The following IMMP2L variants were observed in gnomAD, a reference collection of about 807,000 sequenced individuals.
The protein encoded by IMMP2L is mitochondrial inner membrane protease subunit 2.
A neutral mutation model predicts 19.3 loss-of-function variants in IMMP2L; 18 were observed. The observed-to-expected ratio is 0.93, with a 90% CI of 0.64 to 1.38. IMMP2L has a LOEUF of 1.38. Ranked by LOEUF, IMMP2L falls within the 40% of genes most tolerant of loss-of-function variation. IMMP2L has a pLI of 0.00. For missense variants in IMMP2L, 233 were observed against 218.2 expected (o/e 1.07, Z -0.43); for synonymous variants, 76 against 73.0 (o/e 1.04, Z -0.21).
intron 3 of IMMP2L, among the ~76,000 whole-genome samples, chr7:111,343,658 A>T (rs892399441): frequency 6.6e-6 from 1 of 152,072 alleles, no homozygotes; most frequent in African/African-American, 2.4e-5. Context: ...TATCTTTTTA[A>T]TACATGAGTG....
intron 3 of IMMP2L, among the ~76,000 whole-genome samples, chr7:111,042,865 A>T (rs559620408): frequency 6.6e-6 from 1 of 152,292 alleles, no homozygotes; most frequent in Admixed American, 6.5e-5. Flanking sequence ...GAAATTTAAG[A>T]AGGCTATATG....
At chr7:111,034,868 C>G (rs974729774) in intron 3 of IMMP2L, among the ~76,000 whole-genome samples, 1 of 152,144 alleles carries the variant, frequency 6.6e-6, no homozygotes, top group South Asian at 2.1e-4. Flanking sequence ...GCACCTACAA[C>G]AATACTTAAT....
chr7:110,893,923 T>C (rs189566166), intron 4 of IMMP2L, among the ~76,000 whole-genome samples: 4 of 152,224 alleles, frequency 2.6e-5, no homozygotes, highest in Non-Finnish European at 5.9e-5. Context: ...AATGTAGCCT[T>C]TACCTTCTCT....
chr7:111,062,875 C>T (rs1364498208), intron 3 of IMMP2L, among the ~76,000 whole-genome samples: 1 of 152,228 alleles, frequency 6.6e-6, no homozygotes, highest in African/African-American at 2.4e-5. Flanking sequence ...TGTGGCTTTA[C>T]AGGGTACAGC....
intron 3 of IMMP2L, among the ~76,000 whole-genome samples, chr7:111,428,714 G>T (rs1836333436): frequency 6.6e-6 from 1 of 151,740 alleles, no homozygotes; most frequent in Non-Finnish European, 1.5e-5. Context: ...ATCAGTCTAA[G>T]ATAAGCAAAG....
At chr7:111,261,127 T>G (rs1817268771) in intron 3 of IMMP2L, among the ~76,000 whole-genome samples, 1 of 152,150 alleles carries the variant, frequency 6.6e-6, no homozygotes, top group Non-Finnish European at 1.5e-5. Context: ...TAAATTCATC[T>G]ATTTAATAAC....
chr7:111,119,534 T>G (rs1586401314), intron 3 of IMMP2L, among the ~76,000 whole-genome samples: 1 of 152,306 alleles, frequency 6.6e-6, no homozygotes, highest in East Asian at 1.9e-4. Flanking sequence ...TTCCTTTGTA[T>G]TAGCCTGAAT....
intron 5 of IMMP2L, among the ~76,000 whole-genome samples, chr7:110,828,553 T>C (rs1488182683): frequency 1.3e-5 from 2 of 152,172 alleles, no homozygotes; most frequent in Non-Finnish European, 2.9e-5. Flanking sequence ...CTGATACTCC[T>C]AATTCATTCC....
At chr7:111,170,516 A>T (rs1806314937) in intron 3 of IMMP2L, among the ~76,000 whole-genome samples, 1 of 151,868 alleles carries the variant, frequency 6.6e-6, no homozygotes, top group Admixed American at 6.6e-5. Context: ...CCCTTAAGAA[A>T]TAAAGCCTGT....
chr7:111,460,758 T>C (rs1416326980), intron 3 of IMMP2L, among the ~76,000 whole-genome samples: 1 of 152,074 alleles, frequency 6.6e-6, no homozygotes, highest in African/African-American at 2.4e-5. Context: ...TTTATCACAA[T>C]TCAAGATTAC....
chr7:111,241,975 T>A (rs966894110), intron 3 of IMMP2L, among the ~76,000 whole-genome samples: 1 of 152,060 alleles, frequency 6.6e-6, no homozygotes, highest in South Asian at 2.1e-4. Flanking sequence ...AAAATATGAT[T>A]CACCTGACCC....
intron 3 of IMMP2L, among the ~76,000 whole-genome samples, chr7:111,231,024 C>CTGTGTGTGTGTG (rs60629485): frequency 2.3e-4 from 34 of 147,092 alleles, no homozygotes; most frequent in African/African-American, 7.5e-4. Flanking sequence ...TAAGTAGTGG[C>CTGTGTGTGTGTG]TGTGTGTGTG....
rs143270810 is a variant in IMMP2L, at chr7:111,381,656, G to A, written c.239+105582C>T. On this transcript the variant is annotated intron_variant, in intron 3 of 5. Coordinates refer to ENST00000405709, the MANE Select transcript of IMMP2L (RefSeq NM_032549.4). Reference sequence around the variant, plus strand: ...AGGTGAGAGAGGACAGTCTCAGCCAGAATATTAAGAATGGAGAAGAACAAA... The same window carrying A: ...AGGTGAGAGAGGACAGTCTCAGCCAAAATATTAAGAATGGAGAAGAACAAA... Among the ~76,000 whole-genome samples, 993 of 151,974 alleles carry A rather than the reference G, an allele frequency of 6.5e-3. 4 individuals are homozygous for A. The highest frequency in any genetic ancestry group is 0.013 in the South Asian group (62 of 4,818).
intron 3 of IMMP2L, among the ~76,000 whole-genome samples, chr7:111,483,123 A>C (rs1842336308): frequency 6.6e-6 from 1 of 152,114 alleles, no homozygotes; most frequent in South Asian, 2.1e-4. Flanking sequence ...TCAATACTTG[A>C]ACTATGGTTC....
chr7:111,018,286 G>A lies in IMMP2L; in HGVS notation c.240-54721C>T, dbSNP rs192075426. ...TGGGACACAGTGTTAATAGAACTCA[G>A]TATTAATGGGACAAGTGTTAGCGGC... On this transcript the variant is annotated intron_variant, in intron 3 of 5. Transcript: ENST00000405709. 8.1e-4 allele frequency among the ~76,000 whole-genome samples: 124 copies of A among 152,272 alleles called. 1 individual carries two copies. Among genetic ancestry groups the A allele is most frequent in the Admixed American group, 6.0e-3 (91 of 15,290 alleles).
chr7:111,335,861 G>A (rs1826346566), intron 3 of IMMP2L, among the ~76,000 whole-genome samples: 1 of 151,970 alleles, frequency 6.6e-6, no homozygotes, highest in African/African-American at 2.4e-5. Flanking sequence ...ATAATTTCAT[G>A]GAAATACACA....
intron 3 of IMMP2L, among the ~76,000 whole-genome samples, chr7:111,336,499 T>C (rs1026655362): frequency 6.6e-5 from 10 of 152,094 alleles, no homozygotes; most frequent in African/African-American, 2.4e-4. Flanking sequence ...TGATTTGGGG[T>C]GGATCTCTCA....
intron 3 of IMMP2L, among the ~76,000 whole-genome samples, chr7:111,064,594 T>G (rs1469770952): frequency 6.6e-6 from 1 of 151,976 alleles, no homozygotes; most frequent in Non-Finnish European, 1.5e-5. Flanking sequence ...AATAGCAAAA[T>G]TTTTGCTTCC....
intron 3 of IMMP2L, among the ~76,000 whole-genome samples, chr7:111,103,544 AACCTTT>A (rs1368299886): frequency 1.3e-5 from 2 of 151,582 alleles, no homozygotes; most frequent in Non-Finnish European, 3.0e-5. Flanking sequence ...AAAATTCTAC[AACCTTT>A]TATGATAATC....
Sources: gnomAD v4.1 joint callset for allele counts (sites outside exome capture counted in the v4.1 genomes callset) on GRCh38, gnomAD v4.1.1 for gene constraint, MANE v1.5 for transcripts, NCBI Gene and HGNC (gene_info 2026-07-23, HGNC 2026-07-21) for gene names.